SLC28A2: variants seen among roughly 807,000 people sequenced by gnomAD.
SLC28A2 encodes the protein sodium/nucleoside cotransporter 2.
A neutral mutation model predicts 72.9 loss-of-function variants in SLC28A2; 69 were observed. That is an observed-to-expected ratio of 0.95 (90% CI 0.78 to 1.16). The LOEUF (loss-of-function observed/expected upper bound fraction) is 1.16. Ranked by LOEUF, SLC28A2 falls within the 50% of genes most tolerant of loss-of-function variation. SLC28A2 has a pLI of 0.00. For synonymous variants in SLC28A2, 296 were observed against 294.1 expected (o/e 1.01, Z -0.07); for missense variants, 745 against 791.1 (o/e 0.94, Z 0.70).
Position 45,264,645 on chromosome 15 carries a change from T to C in SLC28A2, c.589-10T>C. ...AACTCACATTGAAATAATATTCTTA[T>C]TGATCCTAGGTGTCCTGGAGGACAG... On this transcript the variant is annotated splice_polypyrimidine_tract_variant and intron_variant, in intron 6 of 17. Transcript: ENST00000347644. 1.3e-6 allele frequency: 2 copies of C among 1,553,182 alleles called. No individual in the cohort carries two copies. The highest frequency in any genetic ancestry group is 1.8e-6 in the Non-Finnish European group (2 of 1,124,822).
At chr15:45,258,971 C>G (rs1900063571) in intron 3 of SLC28A2, among the ~76,000 whole-genome samples, 1 of 152,094 alleles carries the variant, frequency 6.6e-6, no homozygotes, top group South Asian at 2.1e-4. Context: ...GAGAGCATGT[C>G]TTTTTTCATT....
Position 45,276,821 on chromosome 15 carries a change from A to C in SLC28A2, c.*1308A>C, listed in dbSNP as rs1403839230. ...GTAAATCTGCAAACTTCTTAACAAC[A>C]TTACACAGTAAACAAAAAATACTTC... On this transcript the variant is annotated 3_prime_UTR_variant, in exon 18 of 18. Coordinates refer to ENST00000347644, the MANE Select transcript of SLC28A2 (RefSeq NM_004212.4). 6.6e-6 allele frequency: 1 copy of C among 152,228 alleles called. No individual in the cohort carries two copies. The highest frequency in any genetic ancestry group is 1.5e-5 in the Non-Finnish European group (1 of 68,038). 9.4% of individuals were successfully genotyped at this position (152,228 alleles called of 1,614,324 possible). A position where few individuals can be genotyped will look rare whatever the true frequency, so the allele number is the denominator to read the frequency against.
chr15:45,269,242 G>T, intron 13 of SLC28A2, 96 bp from the exon 14 acceptor site: 1 of 922,190 alleles, frequency 1.1e-6, no homozygotes. Context: ...ATAGAAGGGT[G>T]GAAGAGATTG....
At chr15:45,253,397 T>G in intron 2 of SLC28A2, 35 bp from the exon 3 acceptor site, 7 of 1,586,664 alleles carry the variant, frequency 4.4e-6, no homozygotes, top group Non-Finnish European at 6.1e-6. Context: ...CTGGCAGGGC[T>G]CCATGACTGA....
At chr15:45,253,670 C>A in intron 3 of SLC28A2, 150 bp downstream of exon 3, 3 of 540,808 alleles carry the variant, frequency 5.5e-6, no homozygotes, top group Non-Finnish European at 1.0e-5. Flanking sequence ...TAAACATGTG[C>A]CATAAACTCC....
Position 45,268,332 on chromosome 15 carries a change from T to C in SLC28A2, c.1322T>C (p.Leu441Pro). The C allele has an allele frequency of 6.2e-7, 1 of 1,606,730 alleles. No homozygotes were observed. Among genetic ancestry groups the C allele is most frequent in the Non-Finnish European group, 8.5e-7 (1 of 1,174,020 alleles). The change falls in exon 13 of 18, where the codon CTC (leucine) becomes CCC (proline). Residue 441 changes from leucine (L) to proline (P), a missense_variant. Coordinates refer to ENST00000347644, the MANE Select transcript of SLC28A2 (RefSeq NM_004212.4). ...LAVLAFINAA[L>P]SWLGELVDIQ... ...GTGTTGGCCTTCATCAATGCTGCCC[T>C]CTCCTGGCTGGGGGAATTGGTGGAC...
intron 3 of SLC28A2, among the ~76,000 whole-genome samples, chr15:45,255,560 T>C (rs1412111661): frequency 6.6e-6 from 1 of 152,190 alleles, no homozygotes; most frequent in Non-Finnish European, 1.5e-5. Flanking sequence ...CACAGCTTGC[T>C]AATCTTTAGT....
Position 45,275,716 on chromosome 15 carries a change from A to G in SLC28A2, c.*203A>G. ...TTTGGGAGGCCGAGGCGGGCGGATC[A>G]CAAGGTCAGGAGATCGAGACCATCC... On this transcript the variant is annotated 3_prime_UTR_variant, in exon 18 of 18. Transcript: ENST00000347644. The G allele has an allele frequency of 2.1e-6, 1 of 481,114 alleles. No homozygotes were observed. Among genetic ancestry groups the G allele is most frequent in the Non-Finnish European group, 3.7e-6 (1 of 267,786 alleles). The allele number at this position is 481,114 out of a possible 1,614,324, so 29.8% of individuals were successfully genotyped here. A position where few individuals can be genotyped will look rare whatever the true frequency, so the allele number is the denominator to read the frequency against.
At chr15:45,254,287 T>C (rs1440036879) in intron 3 of SLC28A2, among the ~76,000 whole-genome samples, 2 of 152,194 alleles carry the variant, frequency 1.3e-5, no homozygotes, top group Non-Finnish European at 2.9e-5. Context: ...AGCTACATAA[T>C]GATGTTTCAG....
intron 10 of SLC28A2, 34 bp downstream of exon 10, chr15:45,266,195 T>A (rs1404672702): frequency 7.0e-7 from 1 of 1,433,252 alleles, no homozygotes; most frequent in East Asian, 2.3e-5. Flanking sequence ...TCTTCTTCCC[T>A]CTGAGGAACT....
chr15:45,269,949 C>T (rs985145591), intron 14 of SLC28A2, among the ~76,000 whole-genome samples: 1 of 152,174 alleles, frequency 6.6e-6, no homozygotes, highest in African/African-American at 2.4e-5. Flanking sequence ...CCTTCTCATT[C>T]CCAGGCCTTC....
rs1300776378 is a variant in SLC28A2 at position 45,252,275 on chromosome 15, T to G, written c.-20T>G. 1.1e-5 allele frequency: 5 copies of G among 455,820 alleles called. No individual in the cohort carries two copies. In the Admixed American group the frequency reaches 1.2e-4, roughly 11 times the overall value. 28.2% of individuals were successfully genotyped at this position (455,820 alleles called of 1,614,324 possible). On this transcript the variant is annotated 5_prime_UTR_variant, in exon 1 of 18. Coordinates refer to ENST00000347644, the MANE Select transcript of SLC28A2 (RefSeq NM_004212.4). ...GCCAGAGGGAATCAATTCCACAAGCTGGGGTAAGTAAAGGTGTTTGGGGGA... is the reference window on the plus strand; with the variant it reads ...GCCAGAGGGAATCAATTCCACAAGCGGGGGTAAGTAAAGGTGTTTGGGGGA...
intron 10 of SLC28A2, among the ~76,000 whole-genome samples, chr15:45,266,953 A>T (rs1208472781): frequency 6.6e-6 from 1 of 152,200 alleles, no homozygotes; most frequent in East Asian, 1.9e-4. Flanking sequence ...AGTGCTGGAT[A>T]TGGCTTACAT....
At chr15:45,253,118 G>A (rs1286695160) in intron 1 of SLC28A2, 82 bp from the exon 2 acceptor site, 3 of 822,876 alleles carry the variant, frequency 3.6e-6, no homozygotes, top group Non-Finnish European at 6.1e-6. Context: ...TTTTCCATGG[G>A]TAACTGGTCC....
At chr15:45,270,349 G>A (rs1235665857) in intron 15 of SLC28A2, 73 bp downstream of exon 15, 8 of 990,408 alleles carry the variant, frequency 8.1e-6, no homozygotes, top group Non-Finnish European at 8.2e-6. Context: ...CAGTCCTGGT[G>A]CTTCAGTACA....
chr15:45,255,786 G>A lies in SLC28A2; in HGVS notation c.170+2266G>A, dbSNP rs780090957. ...AAATGTAGCAAAATAATTAGAAAATGATGAGTTTTTAGTATTTATTACCTT... is the reference window on the plus strand; with the variant it reads ...AAATGTAGCAAAATAATTAGAAAATAATGAGTTTTTAGTATTTATTACCTT... On this transcript the variant is annotated intron_variant, in intron 3 of 17. Coordinates refer to ENST00000347644, the MANE Select transcript of SLC28A2 (RefSeq NM_004212.4). 3.3e-5 allele frequency among the ~76,000 whole-genome samples: 5 copies of A among 152,102 alleles called. No individual in the cohort carries two copies. The East Asian group carries it at 7.7e-4, about 23-fold the overall frequency.
In SLC28A2 at chr15:45,272,371, C is replaced by G. The variant is rs1196105365; in HGVS notation, c.1725C>G (p.Ser575=). 2 of 1,613,776 alleles carry G rather than the reference C, an allele frequency of 1.2e-6. No homozygotes were observed. Among genetic ancestry groups the G allele is most frequent in the African/African-American group, 2.7e-5 (2 of 74,884 alleles). ...CCCTCTTCACAGGGGCCTGTGTATC[C>G]CTTATCAGTGCCTGTATGGCAGGTA... ...VRALFTGACV[S]LISACMAGIL... The change falls in exon 16 of 18, where the codon TCC becomes TCG. Residue 575 remains serine (S), a synonymous_variant. Transcript: ENST00000347644.
At chr15:45,274,782 T>C (rs1282035742) in intron 17 of SLC28A2, among the ~76,000 whole-genome samples, 1 of 151,950 alleles carries the variant, frequency 6.6e-6, no homozygotes, top group Non-Finnish European at 1.5e-5. Flanking sequence ...GCTCACTCTG[T>C]TGCCCCGGCT....
chr15:45,259,277 T>A (rs1159245561), intron 3 of SLC28A2, among the ~76,000 whole-genome samples: 1 of 152,208 alleles, frequency 6.6e-6, no homozygotes, highest in African/African-American at 2.4e-5. Context: ...ATTCCACAAT[T>A]TATATATATT....
Sources: allele counts gnomAD v4.1 joint callset (sites outside exome capture counted in the v4.1 genomes callset), GRCh38; gene constraint gnomAD v4.1.1; transcripts MANE v1.5; gene names NCBI Gene and HGNC (gene_info 2026-07-23, HGNC 2026-07-21).